Variants in MTCL2 observed in about 807,000 individuals in gnomAD.
MTCL2 encodes the protein microtubule cross-linking factor 2.
At chr20:36,861,525 G>C in the MTCL2 span, among the ~76,000 whole-genome samples, 1 of 151,450 alleles carries the variant, frequency 6.6e-6, no homozygotes, top group Non-Finnish European at 1.5e-5. Flanking sequence ...AAGCCCATTT[G>C]GTCAGAAGAG....
the MTCL2 span, chr20:36,808,496 C>T: frequency 6.4e-7 from 1 of 1,570,240 alleles, no homozygotes; most frequent in East Asian, 2.4e-5. Flanking sequence ...CAGTCCCAGT[C>T]CCTGGCCCAA....
the MTCL2 span, among the ~76,000 whole-genome samples, chr20:36,858,009 C>T: frequency 2.0e-5 from 3 of 152,068 alleles, no homozygotes; most frequent in African/African-American, 4.8e-5. Flanking sequence ...CCCCAGGCTC[C>T]GGGCCCCCAG....
the MTCL2 span, chr20:36,784,760 G>A: frequency 2.0e-6 from 2 of 985,528 alleles, no homozygotes; most frequent in African/African-American, 1.7e-5. Context: ...AGCTGGGGCA[G>A]GGAGAAGAGC....
the MTCL2 span, chr20:36,805,987 G>A: frequency 6.4e-7 from 1 of 1,573,028 alleles, no homozygotes; most frequent in Non-Finnish European, 8.6e-7. Context: ...CTTAACAGCA[G>A]GTGGGAAGTT....
At chr20:36,839,661 C>T in the MTCL2 span, among the ~76,000 whole-genome samples, 1 of 152,200 alleles carries the variant, frequency 6.6e-6, no homozygotes, top group African/African-American at 2.4e-5. This position sits in a 1 kb window ranked among gnomAD's most constrained non-coding sequence, Gnocchi z 5.1. Context: ...ATTAAGGATC[C>T]CAAGACAGGG....
the MTCL2 span, chr20:36,784,392 C>G: frequency 5.1e-6 from 5 of 985,794 alleles, no homozygotes; most frequent in Non-Finnish European, 6.0e-6. Context: ...CTTGGGGTAA[C>G]TGGTCCAGGT....
the MTCL2 span, among the ~76,000 whole-genome samples, chr20:36,829,458 C>A: frequency 6.6e-6 from 1 of 151,914 alleles, no homozygotes; most frequent in Non-Finnish European, 1.5e-5. Context: ...CACAGCACAG[C>A]CCCAGAAAGC....
At chr20:36,854,139 G>C in the MTCL2 span, among the ~76,000 whole-genome samples, 2 of 152,122 alleles carry the variant, frequency 1.3e-5, no homozygotes, top group Admixed American at 1.3e-4. Context: ...TGGCATCCTG[G>C]AGAGAAGCAC....
the MTCL2 span, among the ~76,000 whole-genome samples, chr20:36,825,263 G>A: frequency 6.6e-6 from 1 of 152,088 alleles, no homozygotes; most frequent in South Asian, 2.1e-4. Context: ...ACTTTTAAAT[G>A]GTGAGTTGTA....
the MTCL2 span, among the ~76,000 whole-genome samples, chr20:36,789,706 CCAGT>C: frequency 6.6e-6 from 1 of 151,980 alleles, no homozygotes; most frequent in Non-Finnish European, 1.5e-5. Context: ...TGGACCCCAT[CCAGT>C]CAGTTAAAGG....
At chr20:36,795,020 C>T in the MTCL2 span, among the ~76,000 whole-genome samples, 1 of 151,664 alleles carries the variant, frequency 6.6e-6, no homozygotes, top group Non-Finnish European at 1.5e-5. Flanking sequence ...CTCACTACAA[C>T]TTCCACCCTC....
At chr20:36,782,443 T>G in the MTCL2 span, 1 of 152,188 alleles carries the variant, frequency 6.6e-6, no homozygotes, top group Non-Finnish European at 1.5e-5. Context: ...TGTACCTCAG[T>G]TTCCTCACAG....
chr20:36,795,820 G>A, the MTCL2 span, among the ~76,000 whole-genome samples: 5 of 151,246 alleles, frequency 3.3e-5, no homozygotes, highest in South Asian at 2.1e-4. Context: ...CGCCCAAACC[G>A]AAGCTAGAGA....
chr20:36,824,103 C>A, the MTCL2 span, among the ~76,000 whole-genome samples: 1 of 152,128 alleles, frequency 6.6e-6, no homozygotes, highest in South Asian at 2.1e-4. Flanking sequence ...AGAGTCAGTG[C>A]GGGTTTGAGA....
chr20:36,812,814 C>G, the MTCL2 span: 2 of 1,612,928 alleles, frequency 1.2e-6, no homozygotes, highest in Non-Finnish European at 1.7e-6. Flanking sequence ...ATCCTGGGCT[C>G]CCATTCCGGC....
At chr20:36,862,967 G>A in the MTCL2 span, 3 of 1,405,936 alleles carry the variant, frequency 2.1e-6, no homozygotes, top group African/African-American at 1.5e-5. Flanking sequence ...CCTCCGACGC[G>A]CAGTCCGACA....
chr20:36,778,602 C>T, the MTCL2 span: 1,290 of 153,234 alleles, frequency 8.4e-3, 58 homozygotes, highest in Admixed American at 0.075. Flanking sequence ...ACCACATCAC[C>T]TGGGAAGCTG....
At chr20:36,841,884 T>TGG in the MTCL2 span, among the ~76,000 whole-genome samples, 1 of 88,540 alleles carries the variant, frequency 1.1e-5, no homozygotes, top group Non-Finnish European at 3.3e-5. Flanking sequence ...GGTGTGTGTG[T>TGG]GTGTGTGTGT....
chr20:36,785,355 T>G, the MTCL2 span: 1 of 984,846 alleles, frequency 1.0e-6, no homozygotes, highest in Non-Finnish European at 1.2e-6. Context: ...CCTTAGGGAC[T>G]TTGGGGTAAA....
Sources: gnomAD v4.1 joint callset for allele counts (sites outside exome capture counted in the v4.1 genomes callset) on GRCh38, gnomAD v4.1.1 for gene constraint, Gnocchi (gnomAD v3.1) non-coding constraint, MANE v1.5 for transcripts, NCBI Gene and HGNC (gene_info 2026-07-23, HGNC 2026-07-21) for gene names.